Variants in TMEM74 observed in about 807,000 individuals in gnomAD.
TMEM74 encodes the protein transmembrane protein 74.
In TMEM74, 13 loss-of-function variants were observed where a neutral mutation model predicts 18.1. The observed-to-expected ratio is 0.72, with a 90% confidence interval of 0.47 to 1.14. The LOEUF (loss-of-function observed/expected upper bound fraction) is 1.14, where lower values mean the gene tolerates loss of function less well. Among genes scored for constraint, TMEM74 ranks in the 50% most tolerant of loss-of-function variants. TMEM74 has a pLI of 0.00. For synonymous variants in TMEM74, 159 were observed against 146.6 expected, an observed-to-expected ratio of 1.08 and a Z score of -0.61; for missense variants, 372 against 375.9, an observed-to-expected ratio of 0.99 and a Z score of 0.09.
At chr8:108,757,727 T>C (rs1157384199) in intron 1 of TMEM74, among the ~76,000 whole-genome samples, 1 of 152,024 alleles carries the variant, frequency 6.6e-6, no homozygotes, top group Non-Finnish European at 1.5e-5. Context: ...CCATAATTAA[T>C]AATGCATTTA....
At chr8:108,677,015 C>T (rs1408155638) in intron 1 of TMEM74, among the ~76,000 whole-genome samples, 1 of 152,192 alleles carries the variant, frequency 6.6e-6, no homozygotes, top group Non-Finnish European at 1.5e-5. Flanking sequence ...AAACATTATT[C>T]AAAGATCAAT....
chr8:108,661,649 C>T (rs138509474), intron 1 of TMEM74, among the ~76,000 whole-genome samples: 93 of 152,150 alleles, frequency 6.1e-4, no homozygotes, highest in African/African-American at 2.1e-3. Context: ...ACATTAAACC[C>T]TATTAACAAT....
chr8:108,691,089 G>C (rs1813222973), intron 1 of TMEM74, among the ~76,000 whole-genome samples: 1 of 152,208 alleles, frequency 6.6e-6, no homozygotes, highest in South Asian at 2.1e-4. Flanking sequence ...GGCTGCTTCT[G>C]TTGCTGCTAT....
intron 1 of TMEM74, among the ~76,000 whole-genome samples, chr8:108,658,825 CATT>C (rs145973451): frequency 1.5e-3 from 227 of 152,224 alleles, no homozygotes; most frequent in African/African-American, 5.1e-3. Context: ...AGGTAGTTAT[CATT>C]AACAGTCTTC....
intron 1 of TMEM74, among the ~76,000 whole-genome samples, chr8:108,724,126 T>C (rs1319500817): frequency 6.6e-6 from 1 of 152,208 alleles, no homozygotes; most frequent in East Asian, 1.9e-4. Context: ...TCTCCACCCT[T>C]GTTTGCTGCC....
At chr8:108,720,540 A>G (rs1813575364) in intron 1 of TMEM74, among the ~76,000 whole-genome samples, 1 of 152,198 alleles carries the variant, frequency 6.6e-6, no homozygotes, top group African/African-American at 2.4e-5. Flanking sequence ...CCATTGTAGA[A>G]ATATTTTAAA....
At chr8:108,657,859 A>AAATATATAT (rs1554630268) in intron 1 of TMEM74, among the ~76,000 whole-genome samples, 3 of 49,888 alleles carry the variant, frequency 6.0e-5, no homozygotes, top group Non-Finnish European at 1.0e-4. Flanking sequence ...AAAAAAAAAA[A>AAATATATAT]ATATATATAT....
chr8:108,720,808 G>A (rs1347720583), intron 1 of TMEM74, among the ~76,000 whole-genome samples: 1 of 151,886 alleles, frequency 6.6e-6, no homozygotes, highest in East Asian at 1.9e-4. Flanking sequence ...TTGCTCTGTC[G>A]CCCAGGCTGG....
intron 2 of TMEM74, among the ~76,000 whole-genome samples, chr8:108,631,195 G>A (rs1237882832): frequency 3.3e-5 from 5 of 151,924 alleles, no homozygotes; most frequent in South Asian, 4.1e-4. Context: ...ATTCCAGGAC[G>A]TGAGGTACTT....
At chr8:108,660,092 G>C (rs1263050816) in intron 1 of TMEM74, among the ~76,000 whole-genome samples, 1 of 152,108 alleles carries the variant, frequency 6.6e-6, no homozygotes, top group Non-Finnish European at 1.5e-5. Flanking sequence ...GCCAGTCTTT[G>C]TTTTGGCATC....
At position 108,779,240 on chromosome 8, in the gene TMEM74, A is replaced by T. The variant is rs1207377198; in HGVS notation, c.*4941T>A. 6.6e-6 allele frequency among the ~76,000 whole-genome samples: 1 copy of T among 152,208 alleles called. No individual in the cohort carries two copies. The highest frequency in any genetic ancestry group is 1.9e-4 in the East Asian group (1 of 5,196). ...CAATGTCAAATTATTTTTGTTTGGC[A>T]AGAAAAGTAAAATTAACAGCACGAT... On this transcript the variant is annotated 3_prime_UTR_variant, in exon 2 of 2. Coordinates refer to ENST00000297459, the MANE Select transcript of TMEM74 (RefSeq NM_153015.3).
intron 1 of TMEM74, among the ~76,000 whole-genome samples, chr8:108,730,451 A>G (rs1427883682): frequency 6.6e-6 from 1 of 152,066 alleles, no homozygotes; most frequent in Non-Finnish European, 1.5e-5. Flanking sequence ...TGTCTACACC[A>G]TTGTATTATC....
chr8:108,692,924 C>T (rs555553366), intron 1 of TMEM74, among the ~76,000 whole-genome samples: 5 of 152,052 alleles, frequency 3.3e-5, no homozygotes, highest in East Asian at 1.9e-4. Flanking sequence ...AGGCAGTAAT[C>T]CTATTGTCAA....
intron 1 of TMEM74, among the ~76,000 whole-genome samples, chr8:108,698,849 C>A (rs1813306359): frequency 6.6e-6 from 1 of 152,052 alleles, no homozygotes; most frequent in Non-Finnish European, 1.5e-5. Flanking sequence ...AAAATGTTCA[C>A]CAAATACTAA....
intron 2 of TMEM74, among the ~76,000 whole-genome samples, chr8:108,646,330 C>T (rs183325205): frequency 6.6e-6 from 1 of 152,052 alleles, no homozygotes; most frequent in Non-Finnish European, 1.5e-5. Flanking sequence ...AATTATATAA[C>T]CTTAGACAAT....
At chr8:108,727,674 C>T (rs1469901097) in intron 1 of TMEM74, among the ~76,000 whole-genome samples, 2 of 152,112 alleles carry the variant, frequency 1.3e-5, no homozygotes, top group South Asian at 2.1e-4. Flanking sequence ...GAGGTCTGAA[C>T]TGGAGATACA....
At position 108,657,876 on chromosome 8, in the gene TMEM74, A is replaced by G. The variant is rs1481337835; in HGVS notation, n.120-2439T>C. On this transcript the variant is annotated intron_variant and non_coding_transcript_variant, in intron 1 of 3. Transcript: ENST00000518838. ...AAAAAAAAAATATATATATATATATATATATATATATATATATATATATAT... is the reference window on the plus strand; with the variant it reads ...AAAAAAAAAATATATATATATATATGTATATATATATATATATATATATAT... Among the ~76,000 whole-genome samples, 4 of 94,582 alleles carry G rather than the reference A, an allele frequency of 4.2e-5. 1 individual carries two copies. The highest frequency in any genetic ancestry group is 8.0e-5 in the Non-Finnish European group (4 of 50,138). The allele number at this position is 94,582 out of a possible 152,430, so 62.0% of individuals were successfully genotyped here. A position where few individuals can be genotyped will look rare whatever the true frequency, so the allele number is the denominator to read the frequency against.
chr8:108,731,452 T>C (rs1272582810), intron 1 of TMEM74, among the ~76,000 whole-genome samples: 2 of 152,222 alleles, frequency 1.3e-5, no homozygotes, highest in Non-Finnish European at 2.9e-5. Flanking sequence ...TATGCTCATT[T>C]CTGCCTGCCA....
chr8:108,732,793 A>ATG (rs1813709162), intron 1 of TMEM74, among the ~76,000 whole-genome samples: 1 of 150,088 alleles, frequency 6.7e-6, no homozygotes. Context: ...ATATATATAT[A>ATG]TATGTATATA....
Sources: gnomAD v4.1 joint callset for allele counts (sites outside exome capture counted in the v4.1 genomes callset) on GRCh38, gnomAD v4.1.1 for gene constraint, MANE v1.5 for transcripts, NCBI Gene and HGNC (gene_info 2026-07-23, HGNC 2026-07-21) for gene names.